The following DNAJC15 variants were observed in gnomAD, a reference collection of about 807,000 sequenced individuals.
DNAJC15 encodes DnaJ heat shock protein family (Hsp40) member C15.
Under a neutral mutation model 22.4 loss-of-function variants are expected in DNAJC15, and 27 were observed. The ratio of observed to expected loss-of-function variants is 1.20; its 90% CI spans 0.89 to 1.66. The LOEUF is 1.66. DNAJC15 is among the 40% of genes most tolerant of loss of function. DNAJC15 has a pLI of 0.00. For synonymous variants in DNAJC15, 79 were observed against 63.2 expected (o/e 1.25, Z -1.19); for missense variants, 208 against 187.1 (o/e 1.11, Z -0.65).
rs188381652 is a variant in DNAJC15 at position 43,064,623 on chromosome 13, G to A, written c.109-1063G>A. Among the ~76,000 whole-genome samples the A allele has an allele frequency of 1.7e-4, 26 of 152,308 alleles. No homozygotes were observed. The East Asian group carries it at 2.1e-3, about 12-fold the overall frequency. On this transcript the variant is annotated intron_variant, in intron 1 of 5. Coordinates refer to ENST00000379221, the MANE Select transcript of DNAJC15 (RefSeq NM_013238.3). ...GTGCCTAAAACCCAAAAATATAGTG[G>A]CTTAGGAAGATGGAACTTTTATTTT...
intron 5 of DNAJC15, among the ~76,000 whole-genome samples, chr13:43,088,297 A>T (rs1177312040): frequency 1.3e-5 from 2 of 152,238 alleles, no homozygotes; most frequent in Non-Finnish European, 2.9e-5. Flanking sequence ...AAATATTTAA[A>T]AAGTACACCT....
At chr13:43,085,977 G>A (rs2040686512) in intron 5 of DNAJC15, 139 bp downstream of exon 5, 11 of 699,794 alleles carry the variant, frequency 1.6e-5, no homozygotes, top group East Asian at 3.0e-5. Context: ...TCATAAATGA[G>A]CATTTAGGTT....
At chr13:43,058,496 G>A (rs1275362860) in intron 1 of DNAJC15, among the ~76,000 whole-genome samples, 2 of 152,088 alleles carry the variant, frequency 1.3e-5, no homozygotes, top group African/African-American at 4.8e-5. Flanking sequence ...TGTGGGGTAT[G>A]GGGGTGTGGT....
At chr13:43,094,402 G>T (rs919356211) in intron 5 of DNAJC15, among the ~76,000 whole-genome samples, 3 of 152,152 alleles carry the variant, frequency 2.0e-5, no homozygotes, top group Non-Finnish European at 4.4e-5. Context: ...AAAACCTGGG[G>T]TTGGGGCCCA....
rs1010434191 is a variant in DNAJC15, at chr13:43,108,011, G to A, written c.*763G>A. 11 of 152,530 alleles carry A rather than the reference G, an allele frequency of 7.2e-5. No homozygotes were observed. Among genetic ancestry groups the A allele is most frequent in the Admixed American group, 2.0e-4 (3 of 15,268 alleles). The allele number at this position is 152,530 out of a possible 1,614,324, so 9.4% of individuals were successfully genotyped here. A position where few individuals can be genotyped will look rare whatever the true frequency, so the allele number is the denominator to read the frequency against. On this transcript the variant is annotated 3_prime_UTR_variant, in exon 6 of 6. Coordinates refer to ENST00000379221, the MANE Select transcript of DNAJC15 (RefSeq NM_013238.3). ...TTTGATGTGCAAGGCACTATCGTGC[G>A]TCCCCTGAGAGTTGCAAGTATGAAG...
At chr13:43,081,321 A>G (rs1456958950) in intron 4 of DNAJC15, among the ~76,000 whole-genome samples, 2 of 152,210 alleles carry the variant, frequency 1.3e-5, no homozygotes, top group African/African-American at 4.8e-5. Context: ...TTTTAAATCA[A>G]TGAAAGGATG....
chr13:43,064,563 A>C (rs567528099), intron 1 of DNAJC15, among the ~76,000 whole-genome samples: 1 of 152,306 alleles, frequency 6.6e-6, no homozygotes, highest in African/African-American at 2.4e-5. Flanking sequence ...TTCACTTCTT[A>C]ATTTTGTATC....
At chr13:43,065,229 G>C (rs566644942) in intron 1 of DNAJC15, among the ~76,000 whole-genome samples, 1 of 152,082 alleles carries the variant, frequency 6.6e-6, no homozygotes, top group African/African-American at 2.4e-5. Context: ...TATCATTTTT[G>C]ATAAGTTTGG....
At chr13:43,098,841 T>C (rs2040753714) in intron 5 of DNAJC15, among the ~76,000 whole-genome samples, 1 of 152,216 alleles carries the variant, frequency 6.6e-6, no homozygotes, top group Non-Finnish European at 1.5e-5. Flanking sequence ...CCTACTTTAT[T>C]CTTATTTTGT....
intron 3 of DNAJC15, among the ~76,000 whole-genome samples, chr13:43,076,356 G>C (rs1218623194): frequency 1.3e-5 from 2 of 152,122 alleles, no homozygotes; most frequent in African/African-American, 4.8e-5. Flanking sequence ...ATAATAAGCT[G>C]TTCAAAGAGT....
intron 1 of DNAJC15, among the ~76,000 whole-genome samples, chr13:43,054,671 G>A (rs2040521009): frequency 6.6e-6 from 1 of 151,930 alleles, no homozygotes; most frequent in Admixed American, 6.6e-5. Flanking sequence ...ATCTCCTCTA[G>A]GTTTTCTAGT....
At chr13:43,074,100 G>A (rs183949560) in intron 3 of DNAJC15, among the ~76,000 whole-genome samples, 16 of 151,930 alleles carry the variant, frequency 1.1e-4, no homozygotes, top group Admixed American at 1.0e-3. Context: ...TCCTTTGTTA[G>A]CTTTAAATCA....
chr13:43,065,229 G>A (rs566644942), intron 1 of DNAJC15, among the ~76,000 whole-genome samples: 2 of 152,200 alleles, frequency 1.3e-5, no homozygotes, highest in African/African-American at 4.8e-5. Flanking sequence ...TATCATTTTT[G>A]ATAAGTTTGG....
intron 5 of DNAJC15, among the ~76,000 whole-genome samples, chr13:43,106,503 T>C (rs997652458): frequency 1.3e-5 from 2 of 152,144 alleles, no homozygotes; most frequent in African/African-American, 4.8e-5. Flanking sequence ...AGAACTGACT[T>C]AATTTTATTT....
intron 1 of DNAJC15, among the ~76,000 whole-genome samples, chr13:43,060,159 C>T (rs533699395): frequency 2.0e-5 from 3 of 151,830 alleles, no homozygotes; most frequent in South Asian, 2.1e-4. Context: ...GTTGGAGCGG[C>T]GAAAAATTTT....
At chr13:43,025,729 C>T (rs1056552909) in intron 1 of DNAJC15, among the ~76,000 whole-genome samples, 4 of 152,088 alleles carry the variant, frequency 2.6e-5, no homozygotes, top group Non-Finnish European at 4.4e-5. Flanking sequence ...CAGGGCAAAA[C>T]CGTGTCTCTA....
chr13:43,107,310 C>T lies in DNAJC15; in HGVS notation c.*62C>T. The T allele has an allele frequency of 2.3e-6, 3 of 1,329,148 alleles. No homozygotes were observed. Among genetic ancestry groups the T allele is most frequent in the Non-Finnish European group, 3.0e-6 (3 of 989,452 alleles). The allele number at this position is 1,329,148 out of a possible 1,614,324, so 82.3% of individuals were successfully genotyped here. A position where few individuals can be genotyped will look rare whatever the true frequency, so the allele number is the denominator to read the frequency against. ...GACTTCGAAAAAAAAAAAAGCCCTG[C>T]AAAATATTCTAAAACATGGTCTTCT... On this transcript the variant is annotated 3_prime_UTR_variant, in exon 6 of 6. Transcript: ENST00000379221.
intron 5 of DNAJC15, among the ~76,000 whole-genome samples, chr13:43,105,038 T>TATC (rs556253444): frequency 2.0e-5 from 3 of 151,558 alleles, no homozygotes; most frequent in Non-Finnish European, 4.4e-5. Context: ...TATCCTATGT[T>TATC]ATCAGTCAGG....
intron 1 of DNAJC15, among the ~76,000 whole-genome samples, chr13:43,044,935 C>A (rs2040469460): frequency 6.6e-6 from 1 of 152,064 alleles, no homozygotes; most frequent in South Asian, 2.1e-4. Context: ...ACAATCTATT[C>A]TCAACATGAC....
Sources: gnomAD v4.1 joint callset for allele counts (sites outside exome capture counted in the v4.1 genomes callset) on GRCh38, gnomAD v4.1.1 for gene constraint, MANE v1.5 for transcripts, NCBI Gene and HGNC (gene_info 2026-07-23, HGNC 2026-07-21) for gene names.